SMYD3: variants seen among roughly 807,000 people sequenced by gnomAD.
SMYD3 encodes the protein SET and MYND domain containing 3.
A neutral mutation model predicts 57.7 loss-of-function variants in SMYD3; 36 were observed. That is an observed-to-expected ratio of 0.62 (90% CI 0.48 to 0.82). The LOEUF (loss-of-function observed/expected upper bound fraction) is 0.82. Among genes scored for constraint, SMYD3 ranks in the 40% least tolerant of loss-of-function variants. SMYD3 has a pLI of 0.00. For synonymous variants in SMYD3, 211 were observed against 195.0 expected (o/e 1.08, Z -0.68); for missense variants, 515 against 538.8 (o/e 0.96, Z 0.44).
intron 5 of SMYD3, among the ~76,000 whole-genome samples, chr1:246,312,429 T>C (rs917421214): frequency 6.6e-6 from 1 of 151,626 alleles, no homozygotes; most frequent in African/African-American, 2.4e-5. Context: ...CAAAACAATA[T>C]AAAAATAAAA....
In SMYD3 at chr1:246,167,918, T is replaced by C. The variant is rs111619497; in HGVS notation, c.531+159283A>G. Among the ~76,000 whole-genome samples the C allele has an allele frequency of 1.6e-3, 246 of 152,356 alleles. 1 individual carries two copies. Among genetic ancestry groups the C allele is most frequent in the African/African-American group, 5.5e-3 (228 of 41,588 alleles). ...TTCTTTGGAGAAAGGTCTATTCAAC[T>C]CCTTTGCTCTTTTATATTTAGGGTT... On this transcript the variant is annotated intron_variant, in intron 5 of 11. Transcript: ENST00000490107.
At chr1:246,382,246 G>A (rs1351190285) in intron 1 of SMYD3, among the ~76,000 whole-genome samples, 1 of 152,026 alleles carries the variant, frequency 6.6e-6, no homozygotes, top group Non-Finnish European at 1.5e-5. Flanking sequence ...TGTAGCCCCA[G>A]GATTCAGACT....
intron 1 of SMYD3, among the ~76,000 whole-genome samples, chr1:246,405,922 A>AAAAAG (rs1553342706): frequency 6.7e-6 from 1 of 148,918 alleles, no homozygotes; most frequent in African/African-American, 2.4e-5. Flanking sequence ...AAAAAAAAAA[A>AAAAAG]AAAGAAAGAA....
intron 5 of SMYD3, among the ~76,000 whole-genome samples, chr1:246,160,385 CAT>C (rs555418618): frequency 9.4e-4 from 143 of 152,144 alleles, no homozygotes; most frequent in African/African-American, 3.3e-3. Flanking sequence ...GGTGAAAATT[CAT>C]ATTAGTGGGA....
chr1:245,777,084 T>A (rs910986888), intron 10 of SMYD3, among the ~76,000 whole-genome samples: 6 of 152,112 alleles, frequency 3.9e-5, no homozygotes, highest in Non-Finnish European at 8.8e-5. Context: ...CTTAAAAAAA[T>A]GATCGTAATG....
intron 5 of SMYD3, among the ~76,000 whole-genome samples, chr1:246,083,250 CAG>C (rs1308037859): frequency 2.0e-5 from 3 of 152,066 alleles, no homozygotes; most frequent in African/African-American, 7.3e-5. Context: ...TCTACTGAGA[CAG>C]GGGAAAACCG....
chr1:245,931,089 G>C (rs955099652), intron 5 of SMYD3, among the ~76,000 whole-genome samples: 3 of 152,210 alleles, frequency 2.0e-5, no homozygotes, highest in Admixed American at 2.0e-4. Flanking sequence ...CAAAGACGGA[G>C]TGGGATCACT....
At chr1:246,077,569 T>C (rs1361777035) in intron 5 of SMYD3, among the ~76,000 whole-genome samples, 2 of 152,160 alleles carry the variant, frequency 1.3e-5, no homozygotes, top group African/African-American at 2.4e-5. Context: ...CTTTTTTTTT[T>C]CTGTAATCAG....
At chr1:246,201,410 C>A (rs556263367) in intron 5 of SMYD3, among the ~76,000 whole-genome samples, 7 of 152,206 alleles carry the variant, frequency 4.6e-5, no homozygotes, top group Non-Finnish European at 7.3e-5. Context: ...CTTAAGCACA[C>A]GCATGCTATT....
chr1:246,246,611 T>A (rs1433265065), intron 5 of SMYD3, among the ~76,000 whole-genome samples: 3 of 152,090 alleles, frequency 2.0e-5, no homozygotes, highest in Non-Finnish European at 4.4e-5. Context: ...ATAAATTACA[T>A]CAAATGCAAT....
At chr1:246,251,384 G>A (rs894639514) in intron 5 of SMYD3, among the ~76,000 whole-genome samples, 9 of 152,186 alleles carry the variant, frequency 5.9e-5, no homozygotes, top group African/African-American at 1.9e-4. Context: ...TCAAGTGCAA[G>A]AACCTCCAGC....
chr1:246,233,745 T>C (rs1227383612), intron 5 of SMYD3, among the ~76,000 whole-genome samples: 1 of 118,554 alleles, frequency 8.4e-6, no homozygotes, highest in Non-Finnish European at 1.7e-5. Context: ...CAATTCACAC[T>C]GTGATGAACA....
intron 5 of SMYD3, among the ~76,000 whole-genome samples, chr1:246,180,249 C>T (rs2062515070): frequency 7.3e-6 from 1 of 137,120 alleles, no homozygotes; most frequent in Non-Finnish European, 1.5e-5. Flanking sequence ...TATTAGAAAA[C>T]ATAATCTCTC....
chr1:245,974,286 C>G (rs918162986), intron 5 of SMYD3, among the ~76,000 whole-genome samples: 47 of 152,178 alleles, frequency 3.1e-4, no homozygotes, highest in African/African-American at 8.4e-4. Context: ...GATTCATTCC[C>G]ATCTGAGAGA....
At chr1:245,759,214 C>T (rs2045734428) in intron 11 of SMYD3, among the ~76,000 whole-genome samples, 1 of 152,172 alleles carries the variant, frequency 6.6e-6, no homozygotes, top group African/African-American at 2.4e-5. Flanking sequence ...GTAGGAATCA[C>T]TCATAAATAT....
chr1:246,424,475 C>G (rs115053458), intron 1 of SMYD3, among the ~76,000 whole-genome samples: 6,992 of 151,912 alleles, frequency 0.046, 215 homozygotes, highest in Middle Eastern at 0.17. Context: ...AAATGCCTAC[C>G]AAGCAACATA....
rs577886024 is a variant in SMYD3 at position 246,422,587 on chromosome 1, A to G, written c.165-67493T>C. 2.6e-5 allele frequency among the ~76,000 whole-genome samples: 4 copies of G among 152,030 alleles called. No homozygotes were observed. In the South Asian group the frequency reaches 8.3e-4, roughly 32 times the overall value. ...CTACCAGAGCCCACCACGCCCAGCT[A>G]ATTTTTGTATTTTTAGTAGAGACGG... On this transcript the variant is annotated intron_variant, in intron 1 of 11. Transcript: ENST00000490107.
chr1:246,267,494 A>T (rs1400646632), intron 5 of SMYD3, among the ~76,000 whole-genome samples: 4 of 152,214 alleles, frequency 2.6e-5, no homozygotes, highest in East Asian at 3.8e-4. Context: ...TAAAGTTTTC[A>T]TTTGAACTTA....
intron 1 of SMYD3, among the ~76,000 whole-genome samples, chr1:246,368,708 G>T (rs2066146390): frequency 6.6e-6 from 1 of 152,158 alleles, no homozygotes; most frequent in Non-Finnish European, 1.5e-5. Flanking sequence ...CCTCAACCTG[G>T]GTGGGCACCA....
Sources: gnomAD v4.1 joint callset for allele counts (sites outside exome capture counted in the v4.1 genomes callset) on GRCh38, gnomAD v4.1.1 for gene constraint, MANE v1.5 for transcripts, NCBI Gene and HGNC (gene_info 2026-07-23, HGNC 2026-07-21) for gene names.